FEV: variants seen among roughly 807,000 people sequenced by gnomAD.
FEV encodes the protein protein FEV.
Under a neutral mutation model 20.5 loss-of-function variants are expected in FEV, and 14 were observed. The observed-to-expected ratio is 0.68, with a 90% confidence interval of 0.45 to 1.07. The LOEUF (loss-of-function observed/expected upper bound fraction) is 1.07, where lower values mean the gene tolerates loss of function less well. FEV is among the 50% of genes least tolerant of loss of function. The pLI, the probability that FEV is intolerant of heterozygous loss-of-function variation, is 0.00. For missense variants in FEV, 301 were observed against 345.3 expected (o/e 0.87, Z 1.02); for synonymous variants, 188 against 163.7 (o/e 1.15, Z -1.13).
chr2:218,985,164 G>T lies in FEV; in HGVS notation c.-89C>A. 2.0e-6 allele frequency: 2 copies of T among 1,005,322 alleles called. No individual in the cohort carries two copies. The highest frequency in any genetic ancestry group is 1.4e-6 in the Non-Finnish European group (1 of 709,480). 62.3% of individuals were successfully genotyped at this position (1,005,322 alleles called of 1,614,324 possible). On this transcript the variant is annotated 5_prime_UTR_variant, in exon 1 of 3. Transcript: ENST00000295727. ...CGCTCGGTGGCACCGATCCCCGCCC[G>T]AAGCGACCGCGGGTGACAAGGAGGA... is the stretch of plus-strand genomic sequence containing the variant.
Position 218,984,265 on chromosome 2 carries a change from C to T in FEV, c.93G>A (p.Pro31=), listed in dbSNP as rs532473906. 2.5e-6 allele frequency: 4 copies of T among 1,602,580 alleles called. No homozygotes were observed. Among genetic ancestry groups the T allele is most frequent in the Admixed American group, 1.7e-5 (1 of 58,814 alleles). The change falls in exon 2 of 3, where the codon CCG becomes CCA. Residue 31 remains proline (P), a synonymous_variant. Coordinates refer to ENST00000295727, the MANE Select transcript of FEV (RefSeq NM_017521.3). This position sits in a 1 kb window ranked among gnomAD's most constrained non-coding sequence, Gnocchi z 5.0. ...GDGLFKDGKN[P]SWGPLSPAVQ... is the part of the protein sequence containing the mutation. ...CCGCGGGGCTCAGCGGCCCCCAGCT[C>T]GGGTTCTTCCCGTCCTTGAAGAGAC...
In FEV at chr2:218,984,536, G is replaced by C. The variant is rs564509303; in HGVS notation, c.53-231C>G. 134 of 472,166 alleles carry C rather than the reference G, an allele frequency of 2.8e-4. 1 individual carries two copies. The highest frequency in any genetic ancestry group is 2.3e-3 in the African/African-American group (115 of 50,252). The allele number at this position is 472,166 out of a possible 1,614,324, so 29.2% of individuals were successfully genotyped here. On this transcript the variant is annotated intron_variant, in intron 1 of 2. Coordinates refer to ENST00000295727, the MANE Select transcript of FEV (RefSeq NM_017521.3). This position sits in a 1 kb window ranked among gnomAD's most constrained non-coding sequence, Gnocchi z 5.0. ...CCAGGAAAAAGGAAATCCGCTTTCCGAAGGGGCCGGCTGGAGCCTTATAAA... is the reference window on the plus strand; with the variant it reads ...CCAGGAAAAAGGAAATCCGCTTTCCCAAGGGGCCGGCTGGAGCCTTATAAA...
chr2:218,982,405 G>C, intron 2 of FEV, 149 bp from the exon 3 acceptor site: 1 of 737,856 alleles, frequency 1.4e-6, no homozygotes. Flanking sequence ...CGGCGGGAGA[G>C]GCCGGCCCCG....
At chr2:218,982,295 G>A in intron 2 of FEV, 39 bp from the exon 3 acceptor site, 2 of 1,512,224 alleles carry the variant, frequency 1.3e-6, no homozygotes, top group Non-Finnish European at 1.8e-6. Context: ...GCGGGAGCGG[G>A]GAGGCGGGAA....
chr2:218,984,338 C>A lies in FEV; in HGVS notation c.53-33G>T. On this transcript the variant is annotated intron_variant, in intron 1 of 2. Transcript: ENST00000295727. The surrounding 1 kb of genome is among the most constrained non-coding windows in gnomAD (Gnocchi z 5.0). Reference sequence around the variant, plus strand: ...CAGCAGAAGAAAAGAATCAGGAGAACCCCGGGCGGAAGTTGTGGGCTTGAC... The same window carrying A: ...CAGCAGAAGAAAAGAATCAGGAGAAACCCGGGCGGAAGTTGTGGGCTTGAC... 1 of 1,553,206 alleles carries A rather than the reference C, an allele frequency of 6.4e-7. No homozygotes were observed. The highest frequency in any genetic ancestry group is 8.7e-7 in the Non-Finnish European group (1 of 1,145,392).
chr2:218,981,500 A>G lies in FEV; in HGVS notation c.*167T>C. On this transcript the variant is annotated 3_prime_UTR_variant, in exon 3 of 3. Transcript: ENST00000295727. The surrounding 1 kb of genome is among the most constrained non-coding windows in gnomAD (Gnocchi z 4.5). ...ACAGGAGCAAATCTAGTACCAGACA[A>G]GGATTGAGGGAGCTTCGGTCCCGTC... 2.1e-6 allele frequency: 1 copy of G among 476,242 alleles called. No homozygotes were observed. The highest frequency in any genetic ancestry group is 3.6e-5 in the East Asian group (1 of 28,142). 29.5% of individuals were successfully genotyped at this position (476,242 alleles called of 1,614,324 possible).
rs764801662 is a variant in FEV, at chr2:218,985,051, G to A, written c.25C>T (p.Pro9Ser). MRQSGASQ[P>S]LLINMYLPDP... ...GGCAGGTACATGTTGATCAGCAGGGGCTGGGAGGCGCCGCTCTGTCTCATC... is the reference window on the plus strand; with the variant it reads ...GGCAGGTACATGTTGATCAGCAGGGACTGGGAGGCGCCGCTCTGTCTCATC... The change falls in exon 1 of 3, where the codon CCC (proline) becomes TCC (serine). Residue 9 changes from proline (P) to serine (S), a missense_variant. Pro to Ser is a moderately conservative substitution (Grantham distance 74). Coordinates refer to ENST00000295727, the MANE Select transcript of FEV (RefSeq NM_017521.3). 7.7e-6 allele frequency: 12 copies of A among 1,559,972 alleles called. No individual in the cohort carries two copies. The South Asian group carries it at 1.1e-4, about 14-fold the overall frequency.
chr2:218,984,215 G>A lies in FEV; in HGVS notation c.127+16C>T. The A allele has an allele frequency of 6.3e-7, 1 of 1,578,674 alleles. No individual in the cohort carries two copies. Among genetic ancestry groups the A allele is most frequent in the Non-Finnish European group, 8.6e-7 (1 of 1,162,288 alleles). ...ACCAACCTCGCCTCCGCCGCCCAGC[G>A]CGCCGGCCATCTCACCTTTCTGAAC... On this transcript the variant is annotated intron_variant, in intron 2 of 2. Transcript: ENST00000295727. The surrounding 1 kb of genome is among the most constrained non-coding windows in gnomAD (Gnocchi z 5.0).
At position 218,984,601 on chromosome 2, in the gene FEV, G is replaced by A; in HGVS notation, c.53-296C>T. Reference sequence around the variant, plus strand: ...TGCGCCAGCCGAGCTGGAGCGCGAAGAGAAGAGGAGGGTGCCTGGAGGGCC... The same window carrying A: ...TGCGCCAGCCGAGCTGGAGCGCGAAAAGAAGAGGAGGGTGCCTGGAGGGCC... On this transcript the variant is annotated intron_variant, in intron 1 of 2. Coordinates refer to ENST00000295727, the MANE Select transcript of FEV (RefSeq NM_017521.3). This position sits in a 1 kb window ranked among gnomAD's most constrained non-coding sequence, Gnocchi z 5.0. 2.5e-6 allele frequency: 1 copy of A among 399,872 alleles called. No individual in the cohort carries two copies. Among genetic ancestry groups the A allele is most frequent in the Non-Finnish European group, 4.5e-6 (1 of 222,818 alleles). 24.8% of individuals were successfully genotyped at this position (399,872 alleles called of 1,614,324 possible).
intron 2 of FEV, among the ~76,000 whole-genome samples, chr2:218,983,537 G>T (rs1040759454): frequency 2.6e-5 from 4 of 152,202 alleles, no homozygotes; most frequent in African/African-American, 9.7e-5. Context: ...CACCAAAGGC[G>T]GAGCAACCTC....
At chr2:218,982,776 A>G (rs1301758873) in intron 2 of FEV, among the ~76,000 whole-genome samples, 1 of 152,204 alleles carries the variant, frequency 6.6e-6, no homozygotes, top group Admixed American at 6.5e-5. Flanking sequence ...GACGACCCCA[A>G]CCACTGCTGG....
At chr2:218,982,369 A>T (rs1945398871) in intron 2 of FEV, 113 bp from the exon 3 acceptor site, 2 of 961,928 alleles carry the variant, frequency 2.1e-6, no homozygotes, top group Admixed American at 5.1e-5. Flanking sequence ...GGGGAGGAAA[A>T]GTGCAAGTCA....
chr2:218,985,105 G>A lies in FEV; in HGVS notation c.-30C>T, dbSNP rs575751546. 3.8e-5 allele frequency: 56 copies of A among 1,492,296 alleles called. 1 individual carries two copies. The South Asian group carries it at 4.2e-4, about 11-fold the overall frequency. 92.4% of individuals were successfully genotyped at this position (1,492,296 alleles called of 1,614,324 possible). On this transcript the variant is annotated 5_prime_UTR_variant, in exon 1 of 3. Coordinates refer to ENST00000295727, the MANE Select transcript of FEV (RefSeq NM_017521.3). ...GCCGGGGACTGGGCGGTGGGAGATG[G>A]GGGGGACGGGGAAGGGGGGCGAGGC... is the stretch of plus-strand genomic sequence containing the variant.
chr2:218,983,866 T>C (rs553898415), intron 2 of FEV, among the ~76,000 whole-genome samples: 202 of 152,306 alleles, frequency 1.3e-3, no homozygotes, highest in African/African-American at 4.7e-3. Flanking sequence ...CCCGCTGTGT[T>C]TGGGGAGTAA....
Position 218,985,015 on chromosome 2 carries a change from C to G in FEV, c.52+9G>C. The G allele has an allele frequency of 6.4e-7, 1 of 1,553,498 alleles. No individual in the cohort carries two copies. Among genetic ancestry groups the G allele is most frequent in the Non-Finnish European group, 8.7e-7 (1 of 1,148,352 alleles). On this transcript the variant is annotated intron_variant, in intron 1 of 2. Transcript: ENST00000295727. Reference sequence around the variant, plus strand: ...CCGGTGCCACCAGCCTCCGGCTGGTCCCTGGTACCTGGCAGGTACATGTTG... The same window carrying G: ...CCGGTGCCACCAGCCTCCGGCTGGTGCCTGGTACCTGGCAGGTACATGTTG...
At position 218,981,904 on chromosome 2, in the gene FEV, G is replaced by C. The variant is rs1361152044; in HGVS notation, c.480C>G (p.Leu160=). 1 of 1,257,878 alleles carries C rather than the reference G, an allele frequency of 7.9e-7. No individual in the cohort carries two copies. Among genetic ancestry groups the C allele is most frequent in the Non-Finnish European group, 9.9e-7 (1 of 1,006,096 alleles). The allele number at this position is 1,257,878 out of a possible 1,614,324, so 77.9% of individuals were successfully genotyped here. Residue 160 remains leucine, a synonymous_variant, in exon 3 of 3, where the codon CTC becomes CTG. Transcript: ENST00000295727. This position sits in a 1 kb window ranked among gnomAD's most constrained non-coding sequence, Gnocchi z 4.5. The part of the protein sequence containing the change: ...AAAAAAQDGA[L]YKLPAGLAPL... ...GGGCGAGGCCGGCGGGCAGCTTGTA[G>C]AGCGCGCCGTCCTGGGCGGCCGCGG... is the stretch of plus-strand genomic sequence containing the variant.
At position 218,984,873 on chromosome 2, in the gene FEV, C is replaced by T. The variant is rs1029463654; in HGVS notation, c.52+151G>A. 1 of 725,724 alleles carries T rather than the reference C, an allele frequency of 1.4e-6. No individual in the cohort carries two copies. The highest frequency in any genetic ancestry group is 1.8e-5 in the African/African-American group (1 of 56,614). 45.0% of individuals were successfully genotyped at this position (725,724 alleles called of 1,614,324 possible). A position where few individuals can be genotyped will look rare whatever the true frequency, so the allele number is the denominator to read the frequency against. On this transcript the variant is annotated intron_variant, in intron 1 of 2. Coordinates refer to ENST00000295727, the MANE Select transcript of FEV (RefSeq NM_017521.3). This position sits in a 1 kb window ranked among gnomAD's most constrained non-coding sequence, Gnocchi z 5.0. The stretch of plus-strand genomic sequence containing the variant: ...GCTCTCTATCTGCCTTTAGGTCTCC[C>T]CAGTGCCCTACATTACAATCGGCCC...
rs867399391 is a variant in FEV at position 218,981,522 on chromosome 2, C to G, written c.*145G>C. ...ACAAGGATTGAGGGAGCTTCGGTCCCGTCCCCCTGCTAAGTGCGGCAGGTG... is the reference window on the plus strand; with the variant it reads ...ACAAGGATTGAGGGAGCTTCGGTCCGGTCCCCCTGCTAAGTGCGGCAGGTG... On this transcript the variant is annotated 3_prime_UTR_variant, in exon 3 of 3. Coordinates refer to ENST00000295727, the MANE Select transcript of FEV (RefSeq NM_017521.3). This position sits in a 1 kb window ranked among gnomAD's most constrained non-coding sequence, Gnocchi z 4.5. 1 of 603,786 alleles carries G rather than the reference C, an allele frequency of 1.7e-6. No homozygotes were observed. The highest frequency in any genetic ancestry group is 3.5e-5 in the East Asian group (1 of 28,764). The allele number at this position is 603,786 out of a possible 1,614,324, so 37.4% of individuals were successfully genotyped here. A position where few individuals can be genotyped will look rare whatever the true frequency, so the allele number is the denominator to read the frequency against.
At position 218,981,430 on chromosome 2, in the gene FEV, T is replaced by G; in HGVS notation, c.*237A>C. 1 of 384,414 alleles carries G rather than the reference T, an allele frequency of 2.6e-6. No homozygotes were observed. The highest frequency in any genetic ancestry group is 4.6e-6 in the Non-Finnish European group (1 of 218,052). 23.8% of individuals were successfully genotyped at this position (384,414 alleles called of 1,614,324 possible). A position where few individuals can be genotyped will look rare whatever the true frequency, so the allele number is the denominator to read the frequency against. ...ACCTGGAGACCTAGAAGAAAAAAAGTGAAAGAGGGCGCACATCGCCCTCCT... is the reference window on the plus strand; with the variant it reads ...ACCTGGAGACCTAGAAGAAAAAAAGGGAAAGAGGGCGCACATCGCCCTCCT... On this transcript the variant is annotated 3_prime_UTR_variant, in exon 3 of 3. Coordinates refer to ENST00000295727, the MANE Select transcript of FEV (RefSeq NM_017521.3). The surrounding 1 kb of genome is among the most constrained non-coding windows in gnomAD (Gnocchi z 4.5).
Sources: allele counts gnomAD v4.1 joint callset (sites outside exome capture counted in the v4.1 genomes callset), GRCh38; gene constraint gnomAD v4.1.1; non-coding constraint Gnocchi (gnomAD v3.1); transcripts MANE v1.5; gene names NCBI Gene and HGNC (gene_info 2026-07-23, HGNC 2026-07-21).